The following GSE1 variants were observed in gnomAD, a reference collection of about 807,000 sequenced individuals.
GSE1 encodes genetic suppressor element 1.
GSE1 carries 32 observed loss-of-function variants against 112.6 expected under a neutral mutation model. That is an observed-to-expected ratio of 0.28 (90% CI 0.21 to 0.38). GSE1 has a LOEUF of 0.38. Among genes scored for constraint, GSE1 ranks in the 10% least tolerant of loss-of-function variants. GSE1 has a pLI of 1.00. For synonymous variants in GSE1, 1,115 were observed against 735.6 expected, an observed-to-expected ratio of 1.52 and a Z score of -8.35; for missense variants, 2,348 against 1,699.2, an observed-to-expected ratio of 1.38 and a Z score of -6.71.
intron 1 of GSE1, among the ~76,000 whole-genome samples, chr16:85,174,391 G>A (rs2074418798): frequency 6.6e-6 from 1 of 152,236 alleles, no homozygotes; most frequent in South Asian, 2.1e-4. Flanking sequence ...TCTGCCTACA[G>A]AGAGGACAGC....
intron 1 of GSE1, among the ~76,000 whole-genome samples, chr16:85,561,099 T>A (rs553583220): frequency 6.6e-6 from 1 of 151,490 alleles, no homozygotes; most frequent in Non-Finnish European, 1.5e-5. Flanking sequence ...ACGACTGTAC[T>A]GCAACCTGGG....
rs1466185387 is a variant in GSE1, at chr16:85,655,908, G to C, written c.980G>C (p.Ser327Thr). 3 of 1,602,700 alleles carry C rather than the reference G, an allele frequency of 1.9e-6. No individual in the cohort carries two copies. Among genetic ancestry groups the C allele is most frequent in the African/African-American group, 2.7e-5 (2 of 75,018 alleles). Residue 327 changes from serine to threonine, a missense_variant, in exon 6 of 16, where the codon AGC (serine) becomes ACC (threonine). By Grantham distance (58) the Ser-to-Thr change is moderately conservative (BLOSUM62 1). Coordinates refer to ENST00000253458, the MANE Select transcript of GSE1 (RefSeq NM_014615.5). The stretch of plus-strand genomic sequence containing the variant: ...CACTCGGAGCGCATGTCTGGCCTCA[G>C]CGCGGAGAGGTAAGTGCGTCTCGAG... ...ALHSERMSGL[S>T]AERLQMDEEL...
chr16:85,654,590 T>C, intron 4 of GSE1, 140 bp downstream of exon 4: 1 of 801,754 alleles, frequency 1.2e-6, no homozygotes. Flanking sequence ...CCCTGGGGAT[T>C]GCAGCCCTGT....
intron 2 of GSE1, among the ~76,000 whole-genome samples, chr16:85,544,454 G>A (rs117035513): frequency 4.6e-5 from 7 of 152,310 alleles, no homozygotes; most frequent in Admixed American, 1.3e-4. Flanking sequence ...AAGAGCAGGC[G>A]AGGAAGAGCA....
At chr16:85,291,510 G>A (rs1328025560) in intron 1 of GSE1, among the ~76,000 whole-genome samples, 3 of 152,204 alleles carry the variant, frequency 2.0e-5, no homozygotes, top group African/African-American at 7.2e-5. Context: ...GTGTCCCATG[G>A]GGTCGAATAA....
chr16:85,387,248 A>G (rs2151635009), intron 2 of GSE1, among the ~76,000 whole-genome samples: 1 of 152,008 alleles, frequency 6.6e-6, no homozygotes, highest in South Asian at 2.1e-4. Context: ...GCCTCTCCTG[A>G]GTCTCACGCC....
At chr16:85,555,112 C>T (rs999433376), upstream of GSE1, 5 of 985,064 alleles carry the variant, frequency 5.1e-6, no homozygotes, top group Non-Finnish European at 6.0e-6. Context: ...GGAGCCGCCG[C>T]CGCCGCCGCC....
intron 2 of GSE1, among the ~76,000 whole-genome samples, chr16:85,358,261 G>C (rs2046994162): frequency 6.6e-6 from 1 of 152,212 alleles, no homozygotes; most frequent in African/African-American, 2.4e-5. Context: ...GGACCCTTGA[G>C]GCTTTGGCTG....
At chr16:85,646,258 C>T (rs935335964) in intron 2 of GSE1, among the ~76,000 whole-genome samples, 2 of 151,228 alleles carry the variant, frequency 1.3e-5, no homozygotes, top group Admixed American at 6.6e-5. Context: ...ACCACGCATT[C>T]TACTTGCTTC....
chr16:85,434,345 A>AATAATAATC (rs60129328), intron 2 of GSE1, among the ~76,000 whole-genome samples: 2 of 143,460 alleles, frequency 1.4e-5, no homozygotes, highest in East Asian at 2.0e-4. Context: ...TAATAATAAT[A>AATAATAATC]ATCAGTGCCG....
At chr16:85,522,437 C>G (rs1423092250) in intron 2 of GSE1, among the ~76,000 whole-genome samples, 1 of 151,538 alleles carries the variant, frequency 6.6e-6, no homozygotes, top group Non-Finnish European at 1.5e-5. Flanking sequence ...AGCACTCCCT[C>G]CCTGCCAGAG....
intron 1 of GSE1, among the ~76,000 whole-genome samples, chr16:85,260,663 T>G (rs8062595): frequency 0.43 from 65,973 of 152,078 alleles, 15,408 homozygotes; most frequent in African/African-American, 0.62. Flanking sequence ...TGGTAGGAGC[T>G]GTTCCCAGGG....
At chr16:85,473,447 G>A (rs546086013) in intron 2 of GSE1, among the ~76,000 whole-genome samples, 4 of 152,258 alleles carry the variant, frequency 2.6e-5, no homozygotes, top group East Asian at 1.9e-4. Flanking sequence ...TGTTCTCTCC[G>A]AGTTCAGGAG....
chr16:85,562,271 C>T (rs575530403), intron 1 of GSE1, among the ~76,000 whole-genome samples: 3 of 152,236 alleles, frequency 2.0e-5, no homozygotes, highest in African/African-American at 4.8e-5. Flanking sequence ...GAGGCCGCCA[C>T]GGTTCCATCT....
chr16:85,382,676 A>G (rs981318539), intron 2 of GSE1, among the ~76,000 whole-genome samples: 3 of 152,200 alleles, frequency 2.0e-5, no homozygotes, highest in African/African-American at 7.2e-5. Flanking sequence ...AAATAACAGC[A>G]GAAGCCCCAG....
At chr16:85,235,428 C>CTGTGTGTGTGTGTGTGTG (rs60860144) in intron 1 of GSE1, among the ~76,000 whole-genome samples, 3 of 126,318 alleles carry the variant, frequency 2.4e-5, no homozygotes, top group African/African-American at 6.2e-5. Flanking sequence ...TGGAAGGGTA[C>CTGTGTGTGTGTGTGTGTG]TGTGTGTGTG....
chr16:85,343,898 A>G (rs1314251016), intron 1 of GSE1, among the ~76,000 whole-genome samples: 2 of 152,088 alleles, frequency 1.3e-5, no homozygotes, highest in African/African-American at 4.8e-5. Flanking sequence ...TTGCTTCCCT[A>G]GCTCCTCCCG....
chr16:85,426,216 T>C (rs911082948), intron 2 of GSE1, among the ~76,000 whole-genome samples: 5 of 145,020 alleles, frequency 3.4e-5, no homozygotes, highest in African/African-American at 5.2e-5. Flanking sequence ...GATGGATGGA[T>C]GGATGGTAGA....
At position 85,663,069 on chromosome 16, in the gene GSE1, C is replaced by A; in HGVS notation, c.2349C>A (p.Pro783=). 1.2e-6 allele frequency: 2 copies of A among 1,611,356 alleles called. No homozygotes were observed. Among genetic ancestry groups the A allele is most frequent in the Non-Finnish European group, 1.7e-6 (2 of 1,178,372 alleles). Residue 783 remains proline, a synonymous_variant, in exon 10 of 16, where the codon CCC becomes CCA. Transcript: ENST00000253458. ...TCCGTTGCGTGGCCGAGCAGCCGCC[C>A]CTCAAACTGGACACGTCCTCTGAGG... ...AHLRCVAEQP[P]LKLDTSSEKL...
Sources: allele counts gnomAD v4.1 joint callset (sites outside exome capture counted in the v4.1 genomes callset), GRCh38; gene constraint gnomAD v4.1.1; transcripts MANE v1.5; gene names NCBI Gene and HGNC (gene_info 2026-07-23, HGNC 2026-07-21).